OTUD7A: variants seen among roughly 807,000 people sequenced by gnomAD.
OTUD7A encodes the protein OTU deubiquitinase 7A, also known as OTU domain-containing protein 7A.
A neutral mutation model predicts 65.7 loss-of-function variants in OTUD7A; 12 were observed. The observed-to-expected ratio is 0.18, with a 90% CI of 0.12 to 0.30. The LOEUF is 0.30. OTUD7A is among the 10% of genes least tolerant of loss of function. OTUD7A has a pLI of 1.00. For synonymous variants in OTUD7A, 641 were observed against 586.3 expected, an observed-to-expected ratio of 1.09 and a Z score of -1.35; for missense variants, 1,148 against 1,304.8, an observed-to-expected ratio of 0.88 and a Z score of 1.85.
chr15:31,540,737 T>TAATG (rs879703221), intron 5 of OTUD7A, among the ~76,000 whole-genome samples: 4 of 152,210 alleles, frequency 2.6e-5, no homozygotes, highest in Non-Finnish European at 4.4e-5. Context: ...ATGCATATAC[T>TAATG]AATGAATGAA....
intron 1 of OTUD7A, among the ~76,000 whole-genome samples, chr15:31,837,631 G>A (rs961171725): frequency 6.6e-5 from 10 of 152,138 alleles, no homozygotes; most frequent in Non-Finnish European, 1.5e-4. Flanking sequence ...AAGTCACAAA[G>A]CAATGATGAA....
At chr15:31,820,974 C>A (rs547634092) in intron 1 of OTUD7A, among the ~76,000 whole-genome samples, 1 of 151,848 alleles carries the variant, frequency 6.6e-6, no homozygotes, top group South Asian at 2.1e-4. Flanking sequence ...AGGCCCCCAG[C>A]CCTAGGCAAC....
At chr15:31,763,695 C>T (rs183821601) in intron 1 of OTUD7A, among the ~76,000 whole-genome samples, 2 of 152,098 alleles carry the variant, frequency 1.3e-5, no homozygotes, top group East Asian at 1.9e-4. Flanking sequence ...TCAGGGAACC[C>T]CAAGCAAAAG....
At position 31,833,260 on chromosome 15, in the gene OTUD7A, T is replaced by C. The variant is rs375134377; in HGVS notation, c.-100+37247A>G. Among the ~76,000 whole-genome samples, 39 of 152,332 alleles carry C rather than the reference T, an allele frequency of 2.6e-4. No individual in the cohort carries two copies. The South Asian group carries it at 7.3e-3, about 28-fold the overall frequency. ...AATTGAGGCAGAGAATGCCCAGGGA[T>C]GGCAGTGGAGGCTCTTTCTCCTCAA... is the stretch of plus-strand genomic sequence containing the variant. On this transcript the variant is annotated intron_variant, in intron 1 of 12. Transcript: ENST00000307050.
At chr15:31,836,641 T>C (rs1897061953) in intron 1 of OTUD7A, among the ~76,000 whole-genome samples, 2 of 152,128 alleles carry the variant, frequency 1.3e-5, no homozygotes, top group Admixed American at 6.6e-5. Flanking sequence ...AAGAATTACG[T>C]ACCATGACCA....
At chr15:31,817,284 C>CA (rs11384969) in intron 1 of OTUD7A, among the ~76,000 whole-genome samples, 25 of 150,344 alleles carry the variant, frequency 1.7e-4, no homozygotes, top group East Asian at 1.4e-3. Flanking sequence ...TGCCCCCCCC[C>CA]ATCACTCATG....
intron 1 of OTUD7A, among the ~76,000 whole-genome samples, chr15:31,695,204 G>A (rs1893049525): frequency 9.0e-6 from 1 of 110,644 alleles, no homozygotes; most frequent in Admixed American, 8.6e-5. Context: ...TCCATGTCTT[G>A]GCTATTGTGG....
intron 1 of OTUD7A, among the ~76,000 whole-genome samples, chr15:31,825,295 G>A (rs1896771691): frequency 6.6e-6 from 1 of 152,242 alleles, no homozygotes; most frequent in Non-Finnish European, 1.5e-5. Flanking sequence ...ATGTGGCTGG[G>A]GAAGCCCCAT....
chr15:31,550,271 T>C (rs572307907), intron 5 of OTUD7A, among the ~76,000 whole-genome samples: 2 of 152,016 alleles, frequency 1.3e-5, no homozygotes, highest in Non-Finnish European at 1.5e-5. Context: ...AGCAGGCTGC[T>C]TTCTGGGGTC....
chr15:31,492,110 A>T (rs1263590314), intron 10 of OTUD7A, among the ~76,000 whole-genome samples: 1 of 152,220 alleles, frequency 6.6e-6, no homozygotes, highest in Non-Finnish European at 1.5e-5. Flanking sequence ...CTTCTTTTTA[A>T]TTGCTCTAAC....
intron 1 of OTUD7A, among the ~76,000 whole-genome samples, chr15:31,805,450 A>G (rs868084970): frequency 1.3e-5 from 2 of 152,218 alleles, no homozygotes; most frequent in Admixed American, 6.5e-5. Context: ...GAAGGGCCTG[A>G]CGCGTGAACC....
chr15:31,823,423 T>C (rs1171766557), intron 1 of OTUD7A, among the ~76,000 whole-genome samples: 1 of 152,198 alleles, frequency 6.6e-6, no homozygotes, highest in South Asian at 2.1e-4. Flanking sequence ...ATTGTCAAAA[T>C]GCAGACTCCC....
chr15:31,511,093 C>CATAT lies in OTUD7A; in HGVS notation c.894-7279_894-7276dup, dbSNP rs200506313. On this transcript the variant is annotated intron_variant, in intron 8 of 12. Transcript: ENST00000307050. ...TATATGTATATCTATATGTAACATACATATGTATATCTATATGTAACATAC... is the reference window on the plus strand; with the variant it reads ...TATATGTATATCTATATGTAACATACATATATATGTATATCTATATGTAACATAC... Among the ~76,000 whole-genome samples the CATAT allele has an allele frequency of 1.3e-3, 20 of 15,056 alleles. 6 individuals are homozygous for CATAT. The highest frequency in any genetic ancestry group is 1.7e-3 in the African/African-American group (2 of 1,168). 9.9% of individuals were successfully genotyped at this position (15,056 alleles called of 152,430 possible). A position where few individuals can be genotyped will look rare whatever the true frequency, so the allele number is the denominator to read the frequency against.
Position 31,619,908 on chromosome 15 carries a change from A to C in OTUD7A, c.151+35188T>G, listed in dbSNP as rs1890722597. Among the ~76,000 whole-genome samples the C allele has an allele frequency of 3.9e-5, 6 of 152,216 alleles. No individual in the cohort carries two copies. In the South Asian group the frequency reaches 1.2e-3, roughly 32 times the overall value. ...GTATGATATTGGCTGTGGGTCTGTA[A>C]TAGATAGCTCTTATTATTTCGAGAT... On this transcript the variant is annotated intron_variant, in intron 3 of 12. Coordinates refer to ENST00000307050, the MANE Select transcript of OTUD7A (RefSeq NM_001382637.1).
intron 1 of OTUD7A, among the ~76,000 whole-genome samples, chr15:31,688,954 T>C (rs1219528036): frequency 1.3e-5 from 2 of 152,176 alleles, no homozygotes; most frequent in Non-Finnish European, 2.9e-5. Context: ...CTCAGTCAGA[T>C]TAAAATTGTA....
Position 31,607,495 on chromosome 15 carries a change from GA to G in OTUD7A, c.152-37299del, listed in dbSNP as rs551080876. On this transcript the variant is annotated intron_variant, in intron 3 of 12. Coordinates refer to ENST00000307050, the MANE Select transcript of OTUD7A (RefSeq NM_001382637.1). ...AAATAAGCAAACTTCACTTTCTCAG[GA>G]AAAAAAATAAAATCACCCATAGCCT... Among the ~76,000 whole-genome samples the G allele has an allele frequency of 2.2e-4, 33 of 151,486 alleles. No homozygotes were observed. The South Asian group carries it at 6.7e-3, about 31-fold the overall frequency.
intron 3 of OTUD7A, among the ~76,000 whole-genome samples, chr15:31,574,175 T>C (rs1158911221): frequency 2.0e-5 from 3 of 152,186 alleles, no homozygotes; most frequent in African/African-American, 7.2e-5. Context: ...ATAAACATAA[T>C]TGTATTGTTA....
chr15:31,617,483 C>CA (rs60306792), intron 3 of OTUD7A, among the ~76,000 whole-genome samples: 5,788 of 143,228 alleles, frequency 0.04, 346 homozygotes, highest in African/African-American at 0.14. Flanking sequence ...GACTCCATGT[C>CA]AAAAAAAAAA....
intron 1 of OTUD7A, among the ~76,000 whole-genome samples, chr15:31,775,749 T>C (rs970802882): frequency 1.3e-5 from 2 of 152,114 alleles, no homozygotes; most frequent in African/African-American, 2.4e-5. Context: ...AGTGTAGACA[T>C]GGGCATGGCA....
Sources: allele counts gnomAD v4.1 joint callset (sites outside exome capture counted in the v4.1 genomes callset), GRCh38; gene constraint gnomAD v4.1.1; transcripts MANE v1.5; gene names NCBI Gene and HGNC (gene_info 2026-07-23, HGNC 2026-07-21).